MAP3K5: variants seen among roughly 807,000 people sequenced by gnomAD.
The protein encoded by MAP3K5 is ASK-1.
A neutral mutation model predicts 158.7 loss-of-function variants in MAP3K5; 56 were observed. The observed-to-expected ratio is 0.35, with a 90% confidence interval of 0.28 to 0.44. The LOEUF (loss-of-function observed/expected upper bound fraction) is 0.44. Ranked by LOEUF, MAP3K5 falls within the 20% of genes least tolerant of loss-of-function variation. MAP3K5 has a pLI of 1.00. For synonymous variants in MAP3K5, 579 were observed against 601.7 expected (o/e 0.96, Z 0.55); for missense variants, 1,294 against 1,674.8 (o/e 0.77, Z 3.97).
intron 1 of MAP3K5, among the ~76,000 whole-genome samples, chr6:136,725,273 T>A (rs1781918745): frequency 6.6e-6 from 1 of 152,136 alleles, no homozygotes; most frequent in Admixed American, 6.6e-5. Context: ...AATAAGAAAA[T>A]GCCAAGCTCT....
At chr6:136,590,685 C>T (rs542595244) in intron 23 of MAP3K5, among the ~76,000 whole-genome samples, 15 of 152,154 alleles carry the variant, frequency 9.9e-5, no homozygotes, top group South Asian at 4.1e-4. Context: ...GGACTACAGG[C>T]GCCCGCCATC....
chr6:136,600,020 C>T (rs1775804942), intron 21 of MAP3K5, among the ~76,000 whole-genome samples: 1 of 152,052 alleles, frequency 6.6e-6, no homozygotes, highest in South Asian at 2.1e-4. Flanking sequence ...ACCCAGGAAA[C>T]CCCAATTAAC....
chr6:136,750,400 G>A (rs1232866013), intron 1 of MAP3K5, among the ~76,000 whole-genome samples: 2 of 152,098 alleles, frequency 1.3e-5, no homozygotes, highest in East Asian at 3.9e-4. Flanking sequence ...TTTTTCAGTA[G>A]TTAATACAGA....
rs188529645 is a variant in MAP3K5 at position 136,780,436 on chromosome 6, G to A, written c.448+11274C>T. Among the ~76,000 whole-genome samples, 437 of 152,144 alleles carry A rather than the reference G, an allele frequency of 2.9e-3. 2 individuals are homozygous for A. Among genetic ancestry groups the A allele is most frequent in the Middle Eastern group, 0.01 (3 of 294 alleles). ...TGTATGTATACCATATTTGCTCTTCGAACTCTCCTTTCAACCAGTTTTAAT... is the reference window on the plus strand; with the variant it reads ...TGTATGTATACCATATTTGCTCTTCAAACTCTCCTTTCAACCAGTTTTAAT... On this transcript the variant is annotated intron_variant, in intron 1 of 29. Coordinates refer to ENST00000359015, the MANE Select transcript of MAP3K5 (RefSeq NM_005923.4).
intron 14 of MAP3K5, among the ~76,000 whole-genome samples, chr6:136,629,555 C>G (rs185727586): frequency 6.6e-6 from 1 of 150,614 alleles, no homozygotes; most frequent in Admixed American, 6.6e-5. Flanking sequence ...CCCAGGTTCA[C>G]GCCATTCTCC....
intron 1 of MAP3K5, among the ~76,000 whole-genome samples, chr6:136,752,671 C>A (rs561357835): frequency 6.6e-6 from 1 of 152,302 alleles, no homozygotes; most frequent in Admixed American, 6.5e-5. Flanking sequence ...CTCGGCCTCC[C>A]AGAGTGCTGG....
At chr6:136,731,823 G>A (rs545630913) in intron 1 of MAP3K5, among the ~76,000 whole-genome samples, 3 of 152,316 alleles carry the variant, frequency 2.0e-5, no homozygotes, top group South Asian at 2.1e-4. Flanking sequence ...GGTGATAAAC[G>A]TTTTCCAAGG....
intron 1 of MAP3K5, among the ~76,000 whole-genome samples, chr6:136,725,002 T>C (rs1781906898): frequency 6.6e-6 from 1 of 152,202 alleles, no homozygotes; most frequent in Non-Finnish European, 1.5e-5. Flanking sequence ...GTTTTACCTT[T>C]CCCAGAATGT....
chr6:136,642,345 T>C (rs1055231368), intron 12 of MAP3K5, among the ~76,000 whole-genome samples, 175 bp downstream of exon 12: 6 of 152,188 alleles, frequency 3.9e-5, no homozygotes, highest in African/African-American at 1.2e-4. Flanking sequence ...GAACATTTTG[T>C]TGCAAATCTC....
chr6:136,656,358 C>T lies in MAP3K5; in HGVS notation c.1629G>A (p.Met543Ile), dbSNP rs1778747175. Reference sequence around the variant, plus strand: ...TCTTTGTGGCCTCGACCAGGAAATCCATCCAAAAGTCCACAAGTTCTTGCT... The same window carrying T: ...TCTTTGTGGCCTCGACCAGGAAATCTATCCAAAAGTCCACAAGTTCTTGCT... ...VAKQELVDFWMDFLVEATKTD... is the reference protein window; with the variant it reads ...VAKQELVDFWIDFLVEATKTD... The change falls in exon 10 of 30, where the codon ATG (methionine) becomes ATA (isoleucine). Residue 543 changes from methionine to isoleucine, a missense_variant. Transcript: ENST00000359015. 3.1e-6 allele frequency: 5 copies of T among 1,613,962 alleles called. No individual in the cohort carries two copies. The East Asian group carries it at 1.1e-4, about 36-fold the overall frequency.
At chr6:136,764,135 C>T (rs1226223104) in intron 1 of MAP3K5, among the ~76,000 whole-genome samples, 1 of 152,194 alleles carries the variant, frequency 6.6e-6, no homozygotes, top group Non-Finnish European at 1.5e-5. Flanking sequence ...ACCCAGATGA[C>T]ATATGCAAGA....
chr6:136,564,938 C>T (rs146225031), intron 26 of MAP3K5, among the ~76,000 whole-genome samples: 47 of 152,348 alleles, frequency 3.1e-4, no homozygotes, highest in Admixed American at 7.2e-4. Flanking sequence ...CTGCACACTT[C>T]TGATTTCTGT....
At chr6:136,600,187 ATTTTTTTT>A (rs907571176) in intron 21 of MAP3K5, among the ~76,000 whole-genome samples, 2 of 132,740 alleles carry the variant, frequency 1.5e-5, no homozygotes, top group Non-Finnish European at 3.2e-5. Context: ...CATGCTGTTA[ATTTTTTTT>A]TTTTTTTTTT....
intron 1 of MAP3K5, among the ~76,000 whole-genome samples, chr6:136,765,915 G>A (rs1174589943): frequency 6.6e-6 from 1 of 152,090 alleles, no homozygotes; most frequent in Non-Finnish European, 1.5e-5. Flanking sequence ...GCAGAGCCAA[G>A]ATTAAACACC....
At chr6:136,564,020 C>A (rs1236557014) in intron 26 of MAP3K5, among the ~76,000 whole-genome samples, 1 of 152,158 alleles carries the variant, frequency 6.6e-6, no homozygotes, top group Non-Finnish European at 1.5e-5. Flanking sequence ...AGATAAATTA[C>A]CTAATGCCTC....
At chr6:136,580,503 A>G in intron 24 of MAP3K5, 97 bp from the exon 25 acceptor site, 1 of 667,210 alleles carries the variant, frequency 1.5e-6, no homozygotes, top group Non-Finnish European at 2.6e-6. Context: ...CAAAACAACT[A>G]AAAAGTTTCT....
At chr6:136,763,884 C>T (rs1178090095) in intron 1 of MAP3K5, among the ~76,000 whole-genome samples, 1 of 152,116 alleles carries the variant, frequency 6.6e-6, no homozygotes, top group Non-Finnish European at 1.5e-5. Context: ...GAAATGAGAC[C>T]TAAGCTAGCC....
At chr6:136,611,107 C>CAAAAAAAAAAAAAAAAAAAAAAAAAA (rs59508317) in intron 18 of MAP3K5, among the ~76,000 whole-genome samples, 175 bp downstream of exon 18, 5 of 24,456 alleles carry the variant, frequency 2.0e-4, no homozygotes, top group East Asian at 1.2e-3. Flanking sequence ...GACCCTGTCT[C>CAAAAAAAAAAAAAAAAAAAAAAAAAA]AAAAAAAAAA....
At chr6:136,736,450 C>T (rs543983698) in intron 1 of MAP3K5, among the ~76,000 whole-genome samples, 3 of 152,206 alleles carry the variant, frequency 2.0e-5, no homozygotes, top group African/African-American at 4.8e-5. Flanking sequence ...TCATTCCTAG[C>T]GTACGTGTTG....
Sources: gnomAD v4.1 joint callset for allele counts (sites outside exome capture counted in the v4.1 genomes callset) on GRCh38, gnomAD v4.1.1 for gene constraint, MANE v1.5 for transcripts, NCBI Gene and HGNC (gene_info 2026-07-23, HGNC 2026-07-21) for gene names.